The following ERBB4 variants were observed in gnomAD, a reference collection of about 807,000 sequenced individuals.
ERBB4 encodes receptor tyrosine-protein kinase erbB-4.
ERBB4 carries 42 observed loss-of-function variants against 158.0 expected under a neutral mutation model. The ratio of observed to expected loss-of-function variants is 0.27; its 90% CI spans 0.21 to 0.34. ERBB4 has a LOEUF of 0.34. Among genes scored for constraint, ERBB4 ranks in the 10% least tolerant of loss-of-function variants. ERBB4 has a pLI of 1.00. For missense variants in ERBB4, 1,333 were observed against 1,624.1 expected, an observed-to-expected ratio of 0.82 and a Z score of 3.08; for synonymous variants, 583 against 558.7, an observed-to-expected ratio of 1.04 and a Z score of -0.61.
At chr2:211,464,692 A>C (rs2064629031) in intron 20 of ERBB4, among the ~76,000 whole-genome samples, 1 of 152,078 alleles carries the variant, frequency 6.6e-6, no homozygotes, top group Non-Finnish European at 1.5e-5. Flanking sequence ...AATTAACTTG[A>C]GAAAAGCTTT....
chr2:211,965,107 T>G (rs1575445189), intron 2 of ERBB4, among the ~76,000 whole-genome samples: 3 of 152,296 alleles, frequency 2.0e-5, no homozygotes, highest in Admixed American at 6.5e-5. Context: ...TAATTGCCTC[T>G]GCAATACCAT....
chr2:212,048,230 CA>C (rs1363630858), intron 2 of ERBB4, among the ~76,000 whole-genome samples: 5 of 152,098 alleles, frequency 3.3e-5, no homozygotes, highest in African/African-American at 4.8e-5. Context: ...TGTTATTTTA[CA>C]AAAAGGTATG....
intron 19 of ERBB4, among the ~76,000 whole-genome samples, chr2:211,580,812 A>ATATATATTAT (rs1203397849): frequency 2.1e-5 from 1 of 48,304 alleles, no homozygotes; most frequent in Non-Finnish European, 3.4e-5. Flanking sequence ...ATATATATAT[A>ATATATATTAT]ATATATATAT....
chr2:212,265,168 C>T (rs1422172060), intron 1 of ERBB4, among the ~76,000 whole-genome samples: 3 of 152,034 alleles, frequency 2.0e-5, no homozygotes, highest in Non-Finnish European at 2.9e-5. Flanking sequence ...GGCCCCTGCC[C>T]TTGAGAAGCT....
intron 13 of ERBB4, among the ~76,000 whole-genome samples, chr2:211,676,063 A>T (rs189971532): frequency 3.3e-5 from 5 of 152,192 alleles, no homozygotes; most frequent in East Asian, 3.9e-4. Context: ...ATTTAGAATG[A>T]TGAGATCGTT....
At chr2:211,699,663 T>TC (rs1433154202) in intron 12 of ERBB4, among the ~76,000 whole-genome samples, 5 of 152,054 alleles carry the variant, frequency 3.3e-5, no homozygotes, top group African/African-American at 1.2e-4. Flanking sequence ...TTCATTTTTT[T>TC]CCCCAAACTG....
intron 1 of ERBB4, among the ~76,000 whole-genome samples, chr2:212,278,951 A>G (rs2085647669): frequency 6.6e-6 from 1 of 151,606 alleles, no homozygotes; most frequent in African/African-American, 2.4e-5. Context: ...CAGGGATCAT[A>G]AAAGTTTTGG....
intron 19 of ERBB4, among the ~76,000 whole-genome samples, chr2:211,601,133 A>G (rs377141636): frequency 2.6e-5 from 4 of 152,306 alleles, no homozygotes; most frequent in African/African-American, 9.6e-5. Flanking sequence ...ACCAAGTATC[A>G]TGCATTTAAA....
intron 1 of ERBB4, among the ~76,000 whole-genome samples, chr2:212,356,574 TA>T (rs1395051800): frequency 6.6e-6 from 1 of 152,078 alleles, no homozygotes; most frequent in African/African-American, 2.4e-5. Flanking sequence ...ACTTGTCTCC[TA>T]AAGTAGGTTT....
At chr2:212,219,816 G>T (rs2105949587) in intron 1 of ERBB4, among the ~76,000 whole-genome samples, 1 of 151,372 alleles carries the variant, frequency 6.6e-6, no homozygotes, top group East Asian at 1.9e-4. Context: ...GAGCAAAATA[G>T]AAACCTGCAC....
intron 3 of ERBB4, among the ~76,000 whole-genome samples, chr2:211,945,750 T>C (rs2080670650): frequency 6.6e-6 from 1 of 152,098 alleles, no homozygotes; most frequent in African/African-American, 2.4e-5. Flanking sequence ...AATTTAGTAG[T>C]ACTGGTATTA....
intron 4 of ERBB4, among the ~76,000 whole-genome samples, chr2:211,780,917 T>A (rs1182958173): frequency 6.6e-6 from 1 of 152,258 alleles, no homozygotes; most frequent in Non-Finnish European, 1.5e-5. Flanking sequence ...TAGGGTTTTA[T>A]TTAAAAATAT....
chr2:211,382,278 A>G lies in ERBB4; in HGVS notation c.*1337T>C, dbSNP rs998264202. ...TCCTTACTCGCATTCCTTCTTACGA[A>G]GTATACGAACTGAACAAATTTCCTT... On this transcript the variant is annotated 3_prime_UTR_variant, in exon 28 of 28. Coordinates refer to ENST00000342788, the MANE Select transcript of ERBB4 (RefSeq NM_005235.3). 2 of 232,122 alleles carry G rather than the reference A, an allele frequency of 8.6e-6. No individual in the cohort carries two copies. The highest frequency in any genetic ancestry group is 1.7e-5 in the Non-Finnish European group (2 of 117,418). 14.4% of individuals were successfully genotyped at this position (232,122 alleles called of 1,614,324 possible).
chr2:212,069,979 AGCACAGTG>A (rs71054167), intron 2 of ERBB4, among the ~76,000 whole-genome samples: 79,555 of 151,196 alleles, frequency 0.53, 23,740 homozygotes, highest in East Asian at 0.92. Flanking sequence ...AAAAAAGCCA[AGCACAGTG>A]GCATGTGTCT....
intron 1 of ERBB4, among the ~76,000 whole-genome samples, chr2:212,471,464 T>G (rs1344648877): frequency 6.6e-6 from 1 of 151,918 alleles, no homozygotes; most frequent in Non-Finnish European, 1.5e-5. Context: ...TTACTATGAT[T>G]ACTACAACCA....
rs558992004 is a variant in ERBB4, at chr2:211,435,305, G to C, written c.2488-4205C>G. 2.0e-5 allele frequency among the ~76,000 whole-genome samples: 3 copies of C among 152,312 alleles called. No individual in the cohort carries two copies. The South Asian group carries it at 6.2e-4, about 32-fold the overall frequency. ...AATTAGGAGAAGAATAATACTGACA[G>C]CAACCACAGTTGACATTGACCCAGT... On this transcript the variant is annotated intron_variant, in intron 20 of 27. Transcript: ENST00000342788.
At chr2:211,686,873 G>C (rs774205859) in intron 12 of ERBB4, among the ~76,000 whole-genome samples, 3 of 151,854 alleles carry the variant, frequency 2.0e-5, no homozygotes, top group Non-Finnish European at 2.9e-5. Context: ...TTTTGGAGGG[G>C]GTATTCTTTC....
At chr2:211,532,976 A>C (rs932585296) in intron 20 of ERBB4, among the ~76,000 whole-genome samples, 1 of 151,170 alleles carries the variant, frequency 6.6e-6, no homozygotes, top group African/African-American at 2.4e-5. Context: ...AGCATAAAAC[A>C]AATATATTTC....
At chr2:212,091,163 CAGAG>C (rs1650821321) in intron 2 of ERBB4, among the ~76,000 whole-genome samples, 1 of 145,898 alleles carries the variant, frequency 6.9e-6, no homozygotes, top group Non-Finnish European at 1.5e-5. Context: ...CTTGGCGTGA[CAGAG>C]AGGGAAGAGG....
Sources: gnomAD v4.1 joint callset for allele counts (sites outside exome capture counted in the v4.1 genomes callset) on GRCh38, gnomAD v4.1.1 for gene constraint, MANE v1.5 for transcripts, NCBI Gene and HGNC (gene_info 2026-07-23, HGNC 2026-07-21) for gene names.